Variants in DIP2A observed in about 807,000 individuals in gnomAD.
DIP2A encodes the protein disco-interacting protein 2 homolog A.
A neutral mutation model predicts 177.4 loss-of-function variants in DIP2A; 85 were observed. The observed-to-expected ratio is 0.48, with a 90% CI of 0.40 to 0.57. The LOEUF (loss-of-function observed/expected upper bound fraction) is 0.57, where lower values mean the gene tolerates loss of function less well. Ranked by LOEUF, DIP2A falls within the 20% of genes least tolerant of loss-of-function variation. The pLI, the probability that DIP2A is intolerant of heterozygous loss-of-function variation, is 0.00. For missense variants in DIP2A, 1,791 were observed against 2,100.2 expected, an observed-to-expected ratio of 0.85 and a Z score of 2.88; for synonymous variants, 886 against 881.8, an observed-to-expected ratio of 1.00 and a Z score of -0.08.
intron 26 of DIP2A, 95 bp from the exon 27 acceptor site, chr21:46,554,480 C>A: frequency 6.4e-7 from 1 of 1,552,632 alleles, no homozygotes; most frequent in Admixed American, 1.9e-5. Flanking sequence ...GCCCCCCCAG[C>A]ACCACCTCCC....
At chr21:46,562,063 G>A (rs536441560) in intron 34 of DIP2A, among the ~76,000 whole-genome samples, 11 of 152,122 alleles carry the variant, frequency 7.2e-5, no homozygotes, top group Non-Finnish European at 1.5e-4. Flanking sequence ...AAGAACTCCC[G>A]CTGGGTGGGT....
chr21:46,572,396 C>T (rs1221391514), downstream of DIP2A, among the ~76,000 whole-genome samples: 2 of 152,158 alleles, frequency 1.3e-5, no homozygotes, highest in Non-Finnish European at 2.9e-5. Context: ...ACCACTTACA[C>T]CCAAAATAAC....
chr21:46,501,826 T>C (rs958863226), intron 5 of DIP2A, among the ~76,000 whole-genome samples: 5 of 152,230 alleles, frequency 3.3e-5, no homozygotes, highest in Non-Finnish European at 4.4e-5. Context: ...TTTTGCTAGA[T>C]TTGGAAGAGT....
At chr21:46,533,858 T>A in intron 11 of DIP2A, 146 bp from the exon 12 acceptor site, 3 of 960,886 alleles carry the variant, frequency 3.1e-6, no homozygotes, top group Non-Finnish European at 4.6e-6. Flanking sequence ...TGTACCTTTT[T>A]AAATTATATA....
chr21:46,546,110 C>T, intron 20 of DIP2A, 149 bp downstream of exon 20: 1 of 1,489,302 alleles, frequency 6.7e-7, no homozygotes, highest in Non-Finnish European at 9.0e-7. Flanking sequence ...CTGCCCATCA[C>T]CCTACCTGTG....
At chr21:46,493,070 G>A (rs1327327225) in intron 3 of DIP2A, among the ~76,000 whole-genome samples, 1 of 152,156 alleles carries the variant, frequency 6.6e-6, no homozygotes, top group African/African-American at 2.4e-5. Context: ...CCAACCATGA[G>A]GCACCTTGAT....
chr21:46,506,110 G>GT (rs2057966726), intron 6 of DIP2A, among the ~76,000 whole-genome samples: 3 of 152,072 alleles, frequency 2.0e-5, no homozygotes. Flanking sequence ...GAATTATATT[G>GT]TAGGTGTATT....
chr21:46,481,353 CTTCA>C (rs2056331764), intron 1 of DIP2A, among the ~76,000 whole-genome samples: 1 of 152,184 alleles, frequency 6.6e-6, no homozygotes, highest in African/African-American at 2.4e-5. Context: ...GTCACAGTCT[CTTCA>C]TTCACTTGAC....
At chr21:46,564,704 A>G (rs2060779104) in intron 35 of DIP2A, among the ~76,000 whole-genome samples, 1 of 152,210 alleles carries the variant, frequency 6.6e-6, no homozygotes, top group African/African-American at 2.4e-5. Flanking sequence ...GGGGGCTTCC[A>G]GCAAGCCGTG....
intron 8 of DIP2A, among the ~76,000 whole-genome samples, chr21:46,526,858 T>C (rs2059117346): frequency 6.6e-6 from 1 of 152,222 alleles, no homozygotes; most frequent in African/African-American, 2.4e-5. Flanking sequence ...TTTCTCCCTT[T>C]TTGCACTGGC....
intron 1 of DIP2A, among the ~76,000 whole-genome samples, chr21:46,478,453 C>T (rs1386529658): frequency 6.6e-6 from 1 of 152,120 alleles, no homozygotes; most frequent in Non-Finnish European, 1.5e-5. Flanking sequence ...CTCAGGTGAT[C>T]TGCCTGCCTC....
rs150061946 is a variant in DIP2A, at chr21:46,519,324, T to TG, written c.1102+7711dup. Among the ~76,000 whole-genome samples, 1,034 of 152,326 alleles carry TG rather than the reference T, an allele frequency of 6.8e-3. 10 individuals carry two copies. The highest frequency in any genetic ancestry group is 0.024 in the African/African-American group (980 of 41,576). ...TCCTATCTCATCCTGTGACTTAGAA[T>TG]GCCTAACTTCTGGGGGTGCAGCCCA... On this transcript the variant is annotated intron_variant, in intron 8 of 37. Coordinates refer to ENST00000417564, the MANE Select transcript of DIP2A (RefSeq NM_015151.4).
intron 1 of DIP2A, among the ~76,000 whole-genome samples, chr21:46,476,594 A>G (rs1238412020): frequency 6.6e-6 from 1 of 151,832 alleles, no homozygotes; most frequent in Non-Finnish European, 1.5e-5. Context: ...AAGCAGATCT[A>G]GGGTGTTCAA....
intron 5 of DIP2A, among the ~76,000 whole-genome samples, chr21:46,502,872 A>G (rs755650617): frequency 1.1e-4 from 17 of 152,186 alleles, no homozygotes; most frequent in African/African-American, 3.6e-4. Flanking sequence ...CATAATTCCT[A>G]TAGGAACTTA....
At chr21:46,501,819 TG>T (rs1353698435) in intron 5 of DIP2A, among the ~76,000 whole-genome samples, 2 of 152,264 alleles carry the variant, frequency 1.3e-5, no homozygotes, top group African/African-American at 4.8e-5. Context: ...TTATTCTTTT[TG>T]CTAGATTTGG....
chr21:46,564,973 G>T (rs769029922), intron 35 of DIP2A, among the ~76,000 whole-genome samples: 9 of 152,242 alleles, frequency 5.9e-5, no homozygotes, highest in Non-Finnish European at 1.3e-4. Context: ...TGTGGCAGAT[G>T]CTCAAGGGAA....
At position 46,533,556 on chromosome 21, in the gene DIP2A, G is replaced by A. The variant is rs373273622; in HGVS notation, c.1338G>A (p.Leu446=). ...DAGSQQVGFL[L]GSCGVFLALT... Reference sequence around the variant, plus strand: ...GCAGCCAGCAGGTTGGGTTTCTGCTGGGCAGCTGTGGAGTCTTCTTGGCCC... The same window carrying A: ...GCAGCCAGCAGGTTGGGTTTCTGCTAGGCAGCTGTGGAGTCTTCTTGGCCC... The change falls in exon 11 of 38, where the codon CTG becomes CTA. Residue 446 remains leucine, a synonymous_variant. Transcript: ENST00000417564. 1.9e-6 allele frequency: 3 copies of A among 1,613,840 alleles called. No individual in the cohort carries two copies. In the African/African-American group the frequency reaches 4.0e-5, roughly 22 times the overall value.
At chr21:46,500,852 A>G (rs1256927190) in intron 5 of DIP2A, among the ~76,000 whole-genome samples, 1 of 152,226 alleles carries the variant, frequency 6.6e-6, no homozygotes, top group African/African-American at 2.4e-5. Flanking sequence ...ATGTAGGTTT[A>G]TTACCTATGT....
intron 1 of DIP2A, among the ~76,000 whole-genome samples, chr21:46,484,398 A>T (rs961350805): frequency 2.0e-5 from 3 of 152,162 alleles, no homozygotes; most frequent in African/African-American, 4.8e-5. Context: ...ACCACCCTCA[A>T]AATTCTCTTG....
Sources: gnomAD v4.1 joint callset for allele counts (sites outside exome capture counted in the v4.1 genomes callset) on GRCh38, gnomAD v4.1.1 for gene constraint, MANE v1.5 for transcripts, NCBI Gene and HGNC (gene_info 2026-07-23, HGNC 2026-07-21) for gene names.